Variants in APP observed in about 807,000 individuals in gnomAD.
APP encodes amyloid beta precursor protein.
APP carries 31 observed loss-of-function variants against 101.4 expected under a neutral mutation model. The ratio of observed to expected loss-of-function variants is 0.31; its 90% CI spans 0.23 to 0.41. The LOEUF (loss-of-function observed/expected upper bound fraction) is 0.41, where lower values mean the gene tolerates loss of function less well. Among genes scored for constraint, APP ranks in the 10% least tolerant of loss-of-function variants. The pLI, the probability that APP is intolerant of heterozygous loss-of-function variation, is 1.00. For synonymous variants in APP, 366 were observed against 364.4 expected (o/e 1.00, Z -0.05); for missense variants, 839 against 1,003.7 (o/e 0.84, Z 2.22).
intron 2 of APP, among the ~76,000 whole-genome samples, chr21:26,111,240 T>C (rs1231195239): frequency 6.6e-6 from 1 of 152,072 alleles, no homozygotes; most frequent in Admixed American, 6.6e-5. Flanking sequence ...AAAGTGAGCT[T>C]TCTGAGTATA....
At chr21:25,996,006 A>C (rs2043041886) in intron 8 of APP, among the ~76,000 whole-genome samples, 1 of 152,146 alleles carries the variant, frequency 6.6e-6, no homozygotes, top group African/African-American at 2.4e-5. Flanking sequence ...TTACAACTGA[A>C]ATTGTGCCTC....
intron 14 of APP, among the ~76,000 whole-genome samples, chr21:25,906,052 G>A (rs1018503063): frequency 3.3e-5 from 5 of 152,292 alleles, no homozygotes; most frequent in Non-Finnish European, 7.4e-5. Flanking sequence ...GACACGGTGT[G>A]CTCGATGAAA....
At chr21:25,992,922 G>A (rs942149606) in intron 8 of APP, among the ~76,000 whole-genome samples, 3 of 152,168 alleles carry the variant, frequency 2.0e-5, no homozygotes, top group Non-Finnish European at 4.4e-5. Context: ...ACAGTGAAAA[G>A]AACAAGAATA....
At chr21:25,890,794 G>A (rs1337802523) in intron 17 of APP, among the ~76,000 whole-genome samples, 1 of 148,270 alleles carries the variant, frequency 6.7e-6, no homozygotes, top group Non-Finnish European at 1.5e-5. Context: ...TGCATAATTT[G>A]AACCCTTCTG....
chr21:26,082,890 T>C (rs1000239045), intron 3 of APP, among the ~76,000 whole-genome samples: 1 of 152,196 alleles, frequency 6.6e-6, no homozygotes, highest in Non-Finnish European at 1.5e-5. Context: ...TTTGTAGGAC[T>C]TATTTCTCTG....
chr21:26,100,664 G>A (rs1324131577), intron 2 of APP, among the ~76,000 whole-genome samples: 1 of 146,408 alleles, frequency 6.8e-6, no homozygotes, highest in Non-Finnish European at 1.5e-5. Context: ...CAAAGGAAAT[G>A]GTTTTGCTCA....
At chr21:26,102,734 T>C (rs2062089469) in intron 2 of APP, among the ~76,000 whole-genome samples, 1 of 150,984 alleles carries the variant, frequency 6.6e-6, no homozygotes, top group Admixed American at 6.6e-5. Flanking sequence ...CTAGTAAAAA[T>C]ACAAAAATTA....
chr21:26,103,793 T>C (rs1160384875), intron 2 of APP, among the ~76,000 whole-genome samples: 1 of 152,198 alleles, frequency 6.6e-6, no homozygotes, highest in African/African-American at 2.4e-5. Flanking sequence ...TAGCGTGCTC[T>C]AGGTCAGAGC....
rs2039091083 is a variant in APP, at chr21:25,911,862, A to G, written c.1788T>C (p.Ser596=). 6.2e-7 allele frequency: 1 copy of G among 1,614,090 alleles called. No individual in the cohort carries two copies. Among genetic ancestry groups the G allele is most frequent in the Non-Finnish European group, 8.5e-7 (1 of 1,180,038 alleles). Residue 596 remains serine, a synonymous_variant, in exon 14 of 18, where the codon TCT becomes TCC. Coordinates refer to ENST00000346798, the MANE Select transcript of APP (RefSeq NM_000484.4). ...CCACGGTGGTTTTCGTTTCGGTCAA[A>G]GATGGCATGAGAGCATCGTTTCCGT... The part of the protein sequence containing the change: ...ISYGNDALMP[S]LTETKTTVEL...
intron 5 of APP, among the ~76,000 whole-genome samples, chr21:26,035,848 T>G (rs116554994): frequency 0.021 from 3,232 of 152,112 alleles, 104 homozygotes; most frequent in African/African-American, 0.074. Context: ...AAGATGGAGA[T>G]AAGTGGATAA....
intron 2 of APP, among the ~76,000 whole-genome samples, chr21:26,106,774 T>G (rs1293020814): frequency 1.3e-5 from 2 of 152,218 alleles, no homozygotes; most frequent in African/African-American, 4.8e-5. Flanking sequence ...CCTTTCCTTT[T>G]GTCTTCAATG....
chr21:26,147,375 T>C (rs1466194580), intron 1 of APP, among the ~76,000 whole-genome samples: 1 of 152,188 alleles, frequency 6.6e-6, no homozygotes, highest in Non-Finnish European at 1.5e-5. Context: ...GTAAAAAATA[T>C]TTAGCTACTG....
intron 6 of APP, chr21:26,009,594 T>A (rs2043691669): frequency 1.1e-5 from 1 of 88,054 alleles, no homozygotes; most frequent in Non-Finnish European, 3.2e-5. Context: ...TCTTTTCTTT[T>A]CTTTTTTTTT....
chr21:25,905,012 C>A lies in APP; in HGVS notation c.1963+12G>T. The A allele has an allele frequency of 6.2e-7, 1 of 1,613,006 alleles. No individual in the cohort carries two copies. Among genetic ancestry groups the A allele is most frequent in the Non-Finnish European group, 8.5e-7 (1 of 1,179,348 alleles). ...AAGATGCGGAGAGGCACAAGTCAAG[C>A]GGTTCTGATACCTGGTCGAGTGGTC... On this transcript the variant is annotated intron_variant, in intron 15 of 17. Transcript: ENST00000346798.
intron 13 of APP, chr21:25,945,762 A>C (rs2040787795): frequency 2.6e-6 from 1 of 388,754 alleles, no homozygotes; most frequent in African/African-American, 2.1e-5. Context: ...ATCAAGGCTC[A>C]CTGCAGCCTC....
At chr21:26,126,118 T>C (rs1253547067) in intron 1 of APP, among the ~76,000 whole-genome samples, 1 of 152,226 alleles carries the variant, frequency 6.6e-6, no homozygotes, top group Non-Finnish European at 1.5e-5. Flanking sequence ...AGTATTTACA[T>C]AAGCACAAAA....
intron 2 of APP, among the ~76,000 whole-genome samples, chr21:26,102,015 A>G (rs537478392): frequency 6.6e-6 from 1 of 151,998 alleles, no homozygotes; most frequent in African/African-American, 2.4e-5. Flanking sequence ...CTTGAGATGT[A>G]GAATTGAAGT....
chr21:25,968,322 C>CTTTTTTTTTTT (rs34021818), intron 11 of APP, among the ~76,000 whole-genome samples: 1 of 113,860 alleles, frequency 8.8e-6, no homozygotes, highest in African/African-American at 3.4e-5. Context: ...TTAAAAAAAT[C>CTTTTTTTTTTT]TTTTTTTTTT....
intron 1 of APP, among the ~76,000 whole-genome samples, chr21:26,122,251 TG>T (rs924804776): frequency 8.5e-5 from 13 of 152,206 alleles, no homozygotes; most frequent in Non-Finnish European, 1.6e-4. Context: ...TTTCCAGTTC[TG>T]GGCTATAGTG....
Sources: gnomAD v4.1 joint callset for allele counts (sites outside exome capture counted in the v4.1 genomes callset) on GRCh38, gnomAD v4.1.1 for gene constraint, MANE v1.5 for transcripts, NCBI Gene and HGNC (gene_info 2026-07-23, HGNC 2026-07-21) for gene names.